Variants in ARL15 observed in about 807,000 individuals in gnomAD.
ARL15 encodes ARF like GTPase 15.
ARL15 carries 19 observed loss-of-function variants against 25.2 expected under a neutral mutation model. The observed-to-expected ratio is 0.75, with a 90% CI of 0.53 to 1.10. The LOEUF (loss-of-function observed/expected upper bound fraction) is 1.10, where lower values mean the gene tolerates loss of function less well. Ranked by LOEUF, ARL15 falls within the 50% of genes least tolerant of loss-of-function variation. ARL15 has a pLI of 0.00. For missense variants in ARL15, 220 were observed against 246.0 expected, an observed-to-expected ratio of 0.89 and a Z score of 0.71; for synonymous variants, 94 against 86.8, an observed-to-expected ratio of 1.08 and a Z score of -0.46.
At chr5:54,151,618 C>A (rs553742917) in intron 3 of ARL15, among the ~76,000 whole-genome samples, 1 of 152,082 alleles carries the variant, frequency 6.6e-6, no homozygotes, top group African/African-American at 2.4e-5. Context: ...TTTCACAAAA[C>A]AGAAAATTGG....
At chr5:54,194,399 C>T (rs1755495493) in intron 1 of ARL15, among the ~76,000 whole-genome samples, 1 of 151,892 alleles carries the variant, frequency 6.6e-6, no homozygotes, top group South Asian at 2.1e-4. Flanking sequence ...TAGTCTTAAC[C>T]CCAATAACCT....
chr5:54,076,423 GAA>G (rs911175651), intron 4 of ARL15, among the ~76,000 whole-genome samples: 1 of 100,420 alleles, frequency 1.0e-5, no homozygotes, highest in Non-Finnish European at 2.1e-5. Flanking sequence ...TCCGTCTCAA[GAA>G]AAAAAAAAAG....
chr5:53,946,094 T>C (rs576555104), intron 4 of ARL15, among the ~76,000 whole-genome samples: 1 of 152,346 alleles, frequency 6.6e-6, no homozygotes, highest in African/African-American at 2.4e-5. Context: ...CTATGGTTTA[T>C]TGAGCAGGCC....
At chr5:53,982,936 G>A (rs1373734562) in intron 4 of ARL15, among the ~76,000 whole-genome samples, 1 of 152,188 alleles carries the variant, frequency 6.6e-6, no homozygotes, top group Non-Finnish European at 1.5e-5. Flanking sequence ...TTAATGACCA[G>A]TGATGATGAC....
At chr5:54,145,855 G>C (rs1478965098) in intron 3 of ARL15, among the ~76,000 whole-genome samples, 1 of 152,160 alleles carries the variant, frequency 6.6e-6, no homozygotes. Flanking sequence ...CTATAGTACA[G>C]TGAACCCTTA....
intron 3 of ARL15, among the ~76,000 whole-genome samples, chr5:54,126,736 CAAG>C (rs1753264868): frequency 1.3e-5 from 2 of 152,262 alleles, no homozygotes; most frequent in Admixed American, 6.5e-5. Flanking sequence ...GATAACACGG[CAAG>C]AAGGCCTTTG....
At chr5:54,230,117 T>A (rs1756625609) in intron 1 of ARL15, among the ~76,000 whole-genome samples, 1 of 151,964 alleles carries the variant, frequency 6.6e-6, no homozygotes, top group Non-Finnish European at 1.5e-5. Flanking sequence ...TTCGGGAGGC[T>A]GAGGCAGGTG....
intron 1 of ARL15, among the ~76,000 whole-genome samples, chr5:54,306,345 C>T (rs141523890): frequency 1.2e-4 from 18 of 151,578 alleles, no homozygotes; most frequent in African/African-American, 4.1e-4. Context: ...AGTCATTCTA[C>T]AGGAGGTATA....
intron 1 of ARL15, among the ~76,000 whole-genome samples, chr5:54,264,710 C>T (rs1267704574): frequency 6.6e-6 from 1 of 152,136 alleles, no homozygotes; most frequent in Non-Finnish European, 1.5e-5. Context: ...CTGCCAGGAA[C>T]ATTCTTCCCT....
intron 4 of ARL15, among the ~76,000 whole-genome samples, chr5:54,003,905 AC>A (rs1157288042): frequency 6.6e-6 from 1 of 152,224 alleles, no homozygotes; most frequent in Non-Finnish European, 1.5e-5. Context: ...CACAAGAAGC[AC>A]ACAGACTTCC....
At chr5:54,260,838 G>A (rs1757482169) in intron 1 of ARL15, among the ~76,000 whole-genome samples, 2 of 152,066 alleles carry the variant, frequency 1.3e-5, no homozygotes, top group Admixed American at 1.3e-4. Flanking sequence ...AGTCATATCA[G>A]CACTTACATT....
chr5:54,299,822 C>T (rs550476786), intron 1 of ARL15, among the ~76,000 whole-genome samples: 3 of 152,068 alleles, frequency 2.0e-5, no homozygotes, highest in South Asian at 2.1e-4. Context: ...CTCCTGATCT[C>T]GGGATACATA....
intron 4 of ARL15, among the ~76,000 whole-genome samples, chr5:53,958,599 C>A (rs1195223772): frequency 6.6e-6 from 1 of 152,138 alleles, no homozygotes; most frequent in Non-Finnish European, 1.5e-5. Context: ...GGATCAAACT[C>A]TTCAATATAA....
chr5:54,243,449 A>C (rs149274599), intron 1 of ARL15, among the ~76,000 whole-genome samples: 1 of 152,362 alleles, frequency 6.6e-6, no homozygotes, highest in African/African-American at 2.4e-5. Context: ...TCTAGGCACC[A>C]GTTGAAATCC....
intron 1 of ARL15, among the ~76,000 whole-genome samples, chr5:54,185,710 A>T (rs898163955): frequency 2.0e-5 from 3 of 152,240 alleles, no homozygotes; most frequent in Non-Finnish European, 4.4e-5. Context: ...ATAAGGTACT[A>T]TATACAAAAT....
intron 4 of ARL15, among the ~76,000 whole-genome samples, chr5:53,956,748 G>A (rs1747171180): frequency 6.6e-6 from 1 of 151,958 alleles, no homozygotes; most frequent in Non-Finnish European, 1.5e-5. Flanking sequence ...TCAATAAAGA[G>A]ATAGAAATTA....
chr5:54,032,594 A>G (rs1430865016), intron 4 of ARL15, among the ~76,000 whole-genome samples: 1 of 132,408 alleles, frequency 7.6e-6, no homozygotes, highest in African/African-American at 3.4e-5. Flanking sequence ...TGCCAGGTAC[A>G]ATGACAAAAA....
At chr5:53,976,767 T>C (rs940732977) in intron 4 of ARL15, among the ~76,000 whole-genome samples, 2 of 152,142 alleles carry the variant, frequency 1.3e-5, no homozygotes, top group Non-Finnish European at 2.9e-5. Context: ...GTTCTATACA[T>C]AGATCAAGGG....
intron 4 of ARL15, among the ~76,000 whole-genome samples, chr5:54,013,561 T>G (rs184236619): frequency 1.3e-5 from 2 of 152,356 alleles, no homozygotes; most frequent in African/African-American, 4.8e-5. Flanking sequence ...TCTGGTAAGA[T>G]GCAGGCATAG....
Sources: gnomAD v4.1 joint callset for allele counts (sites outside exome capture counted in the v4.1 genomes callset) on GRCh38, gnomAD v4.1.1 for gene constraint, MANE v1.5 for transcripts, NCBI Gene and HGNC (gene_info 2026-07-23, HGNC 2026-07-21) for gene names.